Variants in PCNX4 observed in about 807,000 individuals in gnomAD.
PCNX4 encodes the protein pecanex 4, also known as pecanex-like protein 4.
Under a neutral mutation model 107.2 loss-of-function variants are expected in PCNX4, and 103 were observed. The ratio of observed to expected loss-of-function variants is 0.96; its 90% CI spans 0.82 to 1.13. PCNX4 has a LOEUF of 1.13. Ranked by LOEUF, PCNX4 falls within the 50% of genes most tolerant of loss-of-function variation. The pLI is 0.00. For synonymous variants in PCNX4, 541 were observed against 481.7 expected (o/e 1.12, Z -1.61); for missense variants, 1,528 against 1,379.4 (o/e 1.11, Z -1.71).
chr14:60,129,569 TAACA>T (rs1358479517), intron 10 of PCNX4, among the ~76,000 whole-genome samples: 2 of 152,142 alleles, frequency 1.3e-5, no homozygotes, highest in African/African-American at 4.8e-5. Flanking sequence ...ATAATTAATA[TAACA>T]AACACAATAA....
At chr14:60,101,151 A>G (rs1048575468) in intron 1 of PCNX4, among the ~76,000 whole-genome samples, 2 of 152,200 alleles carry the variant, frequency 1.3e-5, no homozygotes, top group Non-Finnish European at 2.9e-5. Context: ...AAATTTACCT[A>G]TAGTCTGGAA....
intron 1 of PCNX4, among the ~76,000 whole-genome samples, chr14:60,094,688 G>A (rs954353782): frequency 1.3e-5 from 2 of 151,768 alleles, no homozygotes; most frequent in African/African-American, 2.4e-5. Flanking sequence ...GCCTGTGAAC[G>A]GCAGTGGGCT....
intron 2 of PCNX4, among the ~76,000 whole-genome samples, chr14:60,114,186 A>G (rs1362464194): frequency 6.6e-6 from 1 of 152,230 alleles, no homozygotes; most frequent in Non-Finnish European, 1.5e-5. Flanking sequence ...AAAGAGGAAG[A>G]GAAGAGCTTT....
In PCNX4 at chr14:60,114,861, C is replaced by T; in HGVS notation, c.851C>T (p.Ser284Phe). 1.2e-6 allele frequency: 2 copies of T among 1,611,136 alleles called. No homozygotes were observed. The highest frequency in any genetic ancestry group is 1.7e-6 in the Non-Finnish European group (2 of 1,178,902). The change falls in exon 3 of 11, where the codon TCT becomes TTT. Residue 284 changes from serine (S) to phenylalanine (F), a missense_variant. By Grantham distance (155) the Ser-to-Phe change is radical (BLOSUM62 -2). Coordinates refer to ENST00000406854, the MANE Select transcript of PCNX4 (RefSeq NM_001330177.2). ...QVLEFGLGGSSMSTHLRLLVM... is the reference protein window; with the variant it reads ...QVLEFGLGGSFMSTHLRLLVM... Reference sequence around the variant, plus strand: ...TTAGAGTTCGGCCTTGGAGGCTCATCTATGTCAACCCACTTACGGTATTTA... The same window carrying T: ...TTAGAGTTCGGCCTTGGAGGCTCATTTATGTCAACCCACTTACGGTATTTA...
Position 60,121,212 on chromosome 14 carries a change from A to G in PCNX4, c.1959A>G (p.Gly653=). Residue 653 remains glycine, a synonymous_variant, in exon 8 of 11, where the codon GGA becomes GGG. Transcript: ENST00000406854. ...AAGSLGLLLP[G]SHYLGRFQDR... ...TTGTTGTAGGTCTCCTCCTACCTGG[A>G]TCTCATTACTTGGGCCGTTTTCAGG... The G allele has an allele frequency of 6.6e-7, 1 of 1,518,934 alleles. No homozygotes were observed. Among genetic ancestry groups the G allele is most frequent in the East Asian group, 2.5e-5 (1 of 39,248 alleles). The allele number at this position is 1,518,934 out of a possible 1,614,324, so 94.1% of individuals were successfully genotyped here. A position where few individuals can be genotyped will look rare whatever the true frequency, so the allele number is the denominator to read the frequency against.
Position 60,115,393 on chromosome 14 carries a change from CTG to C in PCNX4, c.1291_1292del (p.Val431IlefsTer3). On this transcript the variant is annotated frameshift_variant, in exon 4 of 11. Coordinates refer to ENST00000406854, the MANE Select transcript of PCNX4 (RefSeq NM_001330177.2). LOFTEE classifies it high-confidence loss of function. The stretch of plus-strand genomic sequence containing the variant: ...TATCCGAAGGATGTGCAAACTGTGA[CTG>C]TATTCTTTGAGAAGCAAACTAGGCT... 1.3e-6 allele frequency: 2 copies of C among 1,578,912 alleles called. No individual in the cohort carries two copies. The highest frequency in any genetic ancestry group is 8.6e-7 in the Non-Finnish European group (1 of 1,164,378).
At position 60,134,508 on chromosome 14, in the gene PCNX4, TG is replaced by T; in HGVS notation, c.*288del. The T allele has an allele frequency of 3.0e-6, 1 of 328,968 alleles. No individual in the cohort carries two copies. Among genetic ancestry groups the T allele is most frequent in the Non-Finnish European group, 5.5e-6 (1 of 180,992 alleles). The allele number at this position is 328,968 out of a possible 1,614,324, so 20.4% of individuals were successfully genotyped here. ...AAACTTTTGTAGAATTATCATATAA[TG>T]AATTTTGTAATGCTTTCTTAAATGT... is the stretch of plus-strand genomic sequence containing the variant. On this transcript the variant is annotated 3_prime_UTR_variant, in exon 11 of 11. Transcript: ENST00000406854.
rs1045629398 is a variant in PCNX4, at chr14:60,146,190, G to A, written c.*11969G>A. 7 of 151,720 alleles carry A rather than the reference G, an allele frequency of 4.6e-5. No homozygotes were observed. The highest frequency in any genetic ancestry group is 8.8e-5 in the Non-Finnish European group (6 of 67,914). 9.4% of individuals were successfully genotyped at this position (151,720 alleles called of 1,614,324 possible). ...TAATAAGCAATATTTCAAAGATGGT[G>A]GTAGGAAGAAAAAGGCTGTCATTTT... On this transcript the variant is annotated 3_prime_UTR_variant, in exon 11 of 11. Coordinates refer to ENST00000406854, the MANE Select transcript of PCNX4 (RefSeq NM_001330177.2). The surrounding 1 kb of genome is among the most constrained non-coding windows in gnomAD (Gnocchi z 4.9).
Position 60,107,695 on chromosome 14 carries a change from CT to C in PCNX4, c.60del (p.Pro21HisfsTer12). 3 of 1,612,852 alleles carry C rather than the reference CT, an allele frequency of 1.9e-6. No homozygotes were observed. Among genetic ancestry groups the C allele is most frequent in the Non-Finnish European group, 2.5e-6 (3 of 1,179,876 alleles). On this transcript the variant is annotated frameshift_variant, in exon 2 of 11. Coordinates refer to ENST00000406854, the MANE Select transcript of PCNX4 (RefSeq NM_001330177.2). LOFTEE classifies it high-confidence loss of function. ...DYKQDFFLKR[F>X]PQTVLGGPRF... is the part of the protein sequence containing the mutation. Reference sequence around the variant, plus strand: ...ACAAGCAGGACTTCTTTCTGAAGCGCTTTCCACAGACTGTTCTTGGAGGCCC... The same window carrying C: ...ACAAGCAGGACTTCTTTCTGAAGCGCTTCCACAGACTGTTCTTGGAGGCCC...
At position 60,124,481 on chromosome 14, in the gene PCNX4, A is replaced by G. The variant is rs3742642; in HGVS notation, c.2310A>G (p.Gln770=). Residue 770 remains glutamine (Q), a synonymous_variant, in exon 9 of 11, where the codon CAA becomes CAG. Coordinates refer to ENST00000406854, the MANE Select transcript of PCNX4 (RefSeq NM_001330177.2). ...AAGTACTTGTGTGGATACTTGTTCA[A>G]TACTGCTCCAAAAGGCCTGGCATGA... ...LIKVLVWILV[Q]YCSKRPGMKE... The G allele has an allele frequency of 1.3e-5, 21 of 1,613,688 alleles. No individual in the cohort carries two copies. Among genetic ancestry groups the G allele is most frequent in the Non-Finnish European group, 1.5e-5 (18 of 1,179,764 alleles).
At chr14:60,100,703 A>T (rs1301166043) in intron 1 of PCNX4, among the ~76,000 whole-genome samples, 1 of 152,238 alleles carries the variant, frequency 6.6e-6, no homozygotes, top group Non-Finnish European at 1.5e-5. Flanking sequence ...GGGCCTAGAG[A>T]GTCATGCCCT....
chr14:60,093,187 C>T (rs1422438088), intron 1 of PCNX4, among the ~76,000 whole-genome samples: 1 of 152,160 alleles, frequency 6.6e-6, no homozygotes, highest in Non-Finnish European at 1.5e-5. Flanking sequence ...GTGGAAAATA[C>T]CAATCAGGGA....
rs115622204 is a variant in PCNX4 at position 60,102,940 on chromosome 14, A to G, written c.-53-4646A>G. Among the ~76,000 whole-genome samples the G allele has an allele frequency of 7.1e-3, 1,077 of 152,320 alleles. 9 individuals are homozygous for G. Among genetic ancestry groups the G allele is most frequent in the African/African-American group, 0.024 (1,013 of 41,572 alleles). On this transcript the variant is annotated intron_variant, in intron 1 of 10. Transcript: ENST00000406854. The stretch of plus-strand genomic sequence containing the variant: ...TTTTCAAATTCTTAAATATTTTTAA[A>G]TGTTCCAGGATCTGTAATTTAAATG...
intron 1 of PCNX4, among the ~76,000 whole-genome samples, chr14:60,101,735 A>G (rs1010679836): frequency 5.3e-5 from 8 of 152,226 alleles, no homozygotes. Flanking sequence ...CATATGATCT[A>G]GCAATTTTGC....
In PCNX4 at chr14:60,124,963, C is replaced by T. The variant is rs367695868; in HGVS notation, c.2792C>T (p.Ser931Leu). 63 of 1,613,618 alleles carry T rather than the reference C, an allele frequency of 3.9e-5. 1 individual carries two copies. The highest frequency in any genetic ancestry group is 1.5e-4 in the South Asian group (14 of 91,070). Residue 931 changes from serine to leucine, a missense_variant, in exon 9 of 11, where the codon TCG becomes TTG. Transcript: ENST00000406854. ...AGTTCCAAAATGAAGGAGATGAGCT[C>T]GTTATTTCCAGAAGACTGGTACCAA... ...MPSSKMKEMSSLFPEDWYQFV... is the reference protein window; with the variant it reads ...MPSSKMKEMSLLFPEDWYQFV...
In PCNX4 at chr14:60,129,166, GA is replaced by G. The variant is rs758114027; in HGVS notation, c.3267+3345del. 1.1e-3 allele frequency among the ~76,000 whole-genome samples: 161 copies of G among 151,592 alleles called. 3 individuals carry two copies. Among genetic ancestry groups the G allele is most frequent in the Middle Eastern group, 3.4e-3 (1 of 294 alleles). On this transcript the variant is annotated intron_variant, in intron 10 of 10. Coordinates refer to ENST00000406854, the MANE Select transcript of PCNX4 (RefSeq NM_001330177.2). ...GAGGCAGGAGAATCGCTTGAACCCA[GA>G]AGGTGGAGGTTGCAGTGAGCCGAGA...
rs936276523 is a variant in PCNX4, at chr14:60,139,446, A to C, written c.*5225A>C. The C allele has an allele frequency of 1.3e-5, 2 of 152,136 alleles. No homozygotes were observed. The highest frequency in any genetic ancestry group is 4.1e-4 in the South Asian group (2 of 4,830). The allele number at this position is 152,136 out of a possible 1,614,324, so 9.4% of individuals were successfully genotyped here. A position where few individuals can be genotyped will look rare whatever the true frequency, so the allele number is the denominator to read the frequency against. ...AACAGGTCTAATATTTTAATGATTTAACAATATAGCCTCAAATATATAAGC... is the reference window on the plus strand; with the variant it reads ...AACAGGTCTAATATTTTAATGATTTCACAATATAGCCTCAAATATATAAGC... On this transcript the variant is annotated 3_prime_UTR_variant, in exon 11 of 11. Transcript: ENST00000406854.
At position 60,125,626 on chromosome 14, in the gene PCNX4, A is replaced by T. The variant is rs1237540466; in HGVS notation, c.3081-11A>T. 2.1e-6 allele frequency: 3 copies of T among 1,447,716 alleles called. No homozygotes were observed. Among genetic ancestry groups the T allele is most frequent in the African/African-American group, 1.5e-5 (1 of 68,540 alleles). 89.7% of individuals were successfully genotyped at this position (1,447,716 alleles called of 1,614,324 possible). On this transcript the variant is annotated splice_polypyrimidine_tract_variant and intron_variant, in intron 9 of 10. Coordinates refer to ENST00000406854, the MANE Select transcript of PCNX4 (RefSeq NM_001330177.2). ...ATATTCTAAAATTCTTCGGTTCTCC[A>T]TTTTTTTTAGGTATACTCTGAAACT...
At chr14:60,094,341 C>T (rs1327590425) in intron 1 of PCNX4, among the ~76,000 whole-genome samples, 1 of 152,122 alleles carries the variant, frequency 6.6e-6, no homozygotes, top group Admixed American at 6.5e-5. Context: ...CCTTCCAGTT[C>T]TCTAGCATCA....
Sources: gnomAD v4.1 joint callset for allele counts (sites outside exome capture counted in the v4.1 genomes callset) on GRCh38, gnomAD v4.1.1 for gene constraint, Gnocchi (gnomAD v3.1) non-coding constraint, MANE v1.5 for transcripts, NCBI Gene and HGNC (gene_info 2026-07-23, HGNC 2026-07-21) for gene names.